Variants in UBN2 observed in about 807,000 individuals in gnomAD.
The protein encoded by UBN2 is ubinuclein 2, also known as ubinuclein-2.
Under a neutral mutation model 120.2 loss-of-function variants are expected in UBN2, and 35 were observed. The observed-to-expected ratio is 0.29, with a 90% CI of 0.22 to 0.39. UBN2 has a LOEUF of 0.39. UBN2 is among the 10% of genes least tolerant of loss of function. The pLI, the probability that UBN2 is intolerant of heterozygous loss-of-function variation, is 1.00. For synonymous variants in UBN2, 661 were observed against 648.7 expected (o/e 1.02, Z -0.29); for missense variants, 1,693 against 1,663.2 (o/e 1.02, Z -0.31).
the UBN2 span, among the ~76,000 whole-genome samples, chr7:139,326,594 A>T: frequency 1.3e-5 from 2 of 152,240 alleles, no homozygotes; most frequent in African/African-American, 2.4e-5. Context: ...CACCTAGAAG[A>T]GTGCCTAACT....
intron 6 of UBN2, 119 bp from the exon 7 acceptor site, chr7:139,266,210 TAGAG>T (rs1797092799): frequency 5.8e-6 from 3 of 521,042 alleles, no homozygotes; most frequent in African/African-American, 2.4e-5. Flanking sequence ...CTGGGCAACA[TAGAG>T]AGGCCCTATC....
chr7:139,285,668 TTATTG>T (rs1402174017), intron 15 of UBN2, among the ~76,000 whole-genome samples: 3 of 152,098 alleles, frequency 2.0e-5, no homozygotes, highest in African/African-American at 7.2e-5. Flanking sequence ...CAAGAATATT[TTATTG>T]TATTATGTGT....
At chr7:139,247,109 A>G (rs1353691042) in intron 2 of UBN2, among the ~76,000 whole-genome samples, 1 of 151,966 alleles carries the variant, frequency 6.6e-6, no homozygotes, top group Non-Finnish European at 1.5e-5. Flanking sequence ...TGGTAACTGT[A>G]TGCTTAATAA....
chr7:139,273,370 A>G lies in UBN2; in HGVS notation c.1789A>G (p.Ile597Val), dbSNP rs376667264. 1.1e-5 allele frequency: 18 copies of G among 1,608,848 alleles called. No homozygotes were observed. Among genetic ancestry groups the G allele is most frequent in the Admixed American group, 5.0e-5 (3 of 59,810 alleles). Residue 597 changes from isoleucine (I) to valine (V), a missense_variant, in exon 10 of 18, where the codon ATA (isoleucine) becomes GTA (valine). Physicochemically the swap from Ile to Val is conservative, Grantham distance 29 (BLOSUM62 3). This residue lies in a region of UBN2 where 178 missense variants were observed against 204.0 expected (regional missense o/e 0.87). Transcript: ENST00000473989. Reference protein sequence around the residue: ...DDDEKPGKRVIGPRKKFHWDD... With the variant: ...DDDEKPGKRVVGPRKKFHWDD... ...TGATGAGAAACCAGGAAAACGTGTCATAGGACCAAGAAAGAAATTCCACTG... is the reference window on the plus strand; with the variant it reads ...TGATGAGAAACCAGGAAAACGTGTCGTAGGACCAAGAAAGAAATTCCACTG...
downstream of UBN2, among the ~76,000 whole-genome samples, chr7:139,311,704 T>G (rs1400420456): frequency 6.6e-6 from 1 of 152,234 alleles, no homozygotes; most frequent in Non-Finnish European, 1.5e-5. Context: ...CCCAAAAGTA[T>G]AGAAGTGAAG....
At chr7:139,278,810 T>C (rs545490351) in intron 12 of UBN2, among the ~76,000 whole-genome samples, 1 of 151,756 alleles carries the variant, frequency 6.6e-6, no homozygotes, top group Non-Finnish European at 1.5e-5. Flanking sequence ...GAACTTGTTC[T>C]TTTTTTTCAT....
At chr7:139,258,138 G>A (rs1796819056) in intron 3 of UBN2, among the ~76,000 whole-genome samples, 1 of 152,152 alleles carries the variant, frequency 6.6e-6, no homozygotes, top group African/African-American at 2.4e-5. Context: ...TGGACACTTG[G>A]TCATCTTTTT....
At chr7:139,287,029 AATAAT>A (rs1766170795) in intron 15 of UBN2, among the ~76,000 whole-genome samples, 1 of 152,098 alleles carries the variant, frequency 6.6e-6, no homozygotes, top group Non-Finnish European at 1.5e-5. Flanking sequence ...TCAGAAATAA[AATAAT>A]AAAAACATTG....
At chr7:139,284,917 C>T (rs1304952119) in intron 15 of UBN2, among the ~76,000 whole-genome samples, 1 of 152,174 alleles carries the variant, frequency 6.6e-6, no homozygotes, top group East Asian at 1.9e-4. Context: ...AACTTTCTCT[C>T]TTATCAAAGT....
intron 5 of UBN2, among the ~76,000 whole-genome samples, chr7:139,259,794 G>A (rs1292229722): frequency 2.0e-5 from 3 of 152,144 alleles, no homozygotes. Context: ...TATCACCCAG[G>A]CTGAAGTGCA....
Position 139,231,269 on chromosome 7 carries a change from C to T in UBN2, c.-216C>T, listed in dbSNP as rs990515969. Among the ~76,000 whole-genome samples, 20 of 152,360 alleles carry T rather than the reference C, an allele frequency of 1.3e-4. No individual in the cohort carries two copies. Among genetic ancestry groups the T allele is most frequent in the Admixed American group, 9.1e-4 (14 of 15,312 alleles). On this transcript the variant is annotated 5_prime_UTR_variant, in exon 1 of 18. Coordinates refer to ENST00000473989, the MANE Select transcript of UBN2 (RefSeq NM_173569.4). ...TATTTATGTGGGGGATCCAACATGG[C>T]GGCCGCGGCGACCCTGGCGATGGCG...
chr7:139,270,881 A>G (rs1372629057), intron 8 of UBN2, among the ~76,000 whole-genome samples: 1 of 152,112 alleles, frequency 6.6e-6, no homozygotes, highest in Non-Finnish European at 1.5e-5. Flanking sequence ...AGTAGCTGGG[A>G]TTACAGGCAT....
At chr7:139,291,448 G>T (rs903894565) in intron 15 of UBN2, among the ~76,000 whole-genome samples, 4 of 151,680 alleles carry the variant, frequency 2.6e-5, no homozygotes, top group African/African-American at 9.7e-5. Flanking sequence ...TTTGGATTTG[G>T]TAAAATAAGG....
At chr7:139,254,932 C>A (rs1307530937) in intron 3 of UBN2, among the ~76,000 whole-genome samples, 1 of 152,164 alleles carries the variant, frequency 6.6e-6, no homozygotes, top group Non-Finnish European at 1.5e-5. Flanking sequence ...TTGATGAGCC[C>A]AGACATTGTG....
chr7:139,329,388 G>C, the UBN2 span, among the ~76,000 whole-genome samples: 1 of 128,778 alleles, frequency 7.8e-6, no homozygotes, highest in African/African-American at 3.8e-5. Flanking sequence ...TACACATTAA[G>C]CTTAAAAAAA....
intron 8 of UBN2, among the ~76,000 whole-genome samples, chr7:139,271,859 T>C (rs987861533): frequency 6.6e-6 from 1 of 152,178 alleles, no homozygotes; most frequent in Non-Finnish European, 1.5e-5. Flanking sequence ...TAACCATAAC[T>C]GAGAGAACAG....
chr7:139,294,997 C>CT (rs1798069765), intron 17 of UBN2, among the ~76,000 whole-genome samples: 2 of 152,246 alleles, frequency 1.3e-5, no homozygotes, highest in East Asian at 3.9e-4. Flanking sequence ...TCCATAGACA[C>CT]TGATATTATT....
At chr7:139,277,490 TAAGG>T (rs1345311579) in intron 12 of UBN2, 2 of 152,346 alleles carry the variant, frequency 1.3e-5, no homozygotes, top group South Asian at 2.1e-4. Flanking sequence ...AAGAAAATCA[TAAGG>T]AAGAGAAATT....
intron 3 of UBN2, among the ~76,000 whole-genome samples, chr7:139,257,872 A>G (rs1796808158): frequency 6.6e-6 from 1 of 152,080 alleles, no homozygotes; most frequent in Non-Finnish European, 1.5e-5. Context: ...TGCAACCTCC[A>G]CCACCTGGGT....
Sources: gnomAD v4.1 joint callset for allele counts (sites outside exome capture counted in the v4.1 genomes callset) on GRCh38, gnomAD v4.1.1 for gene constraint, gnomAD v4.1.1 regional missense constraint, MANE v1.5 for transcripts, NCBI Gene and HGNC (gene_info 2026-07-23, HGNC 2026-07-21) for gene names.